Variants in PDE11A observed in about 807,000 individuals in gnomAD.
The protein encoded by PDE11A is phosphodiesterase 11A, also known as dual 3',5'-cyclic-AMP and -GMP phosphodiesterase 11A.
In PDE11A, 100 loss-of-function variants were observed where a neutral mutation model predicts 100.5. That is an observed-to-expected ratio of 1.00 (90% CI 0.85 to 1.18). The LOEUF is 1.18. PDE11A is among the 50% of genes most tolerant of loss of function. The pLI is 0.00. For missense variants in PDE11A, 1,141 were observed against 1,152.6 expected (o/e 0.99, Z 0.15); for synonymous variants, 381 against 420.8 (o/e 0.91, Z 1.16).
rs147045252 is a variant in PDE11A at position 177,893,906 on chromosome 2, T to G, written c.1302+4152A>C. Among the ~76,000 whole-genome samples the G allele has an allele frequency of 1.4e-3, 217 of 152,332 alleles. 1 individual carries two copies. Among genetic ancestry groups the G allele is most frequent in the African/African-American group, 5.0e-3 (209 of 41,572 alleles). On this transcript the variant is annotated intron_variant, in intron 4 of 19. Coordinates refer to ENST00000286063, the MANE Select transcript of PDE11A (RefSeq NM_016953.4). ...ATACCTATTATTGAAATATTTCCAG[T>G]AAAAATAACTTTGTCAAGTTTGAAA...
At chr2:177,708,514 T>C (rs969435610) in intron 13 of PDE11A, among the ~76,000 whole-genome samples, 2 of 152,178 alleles carry the variant, frequency 1.3e-5, no homozygotes, top group African/African-American at 2.4e-5. Context: ...AAAAGGTAAC[T>C]ATCAGGTACT....
intron 2 of PDE11A, among the ~76,000 whole-genome samples, chr2:177,988,828 A>G (rs942192081): frequency 2.6e-5 from 4 of 152,214 alleles, no homozygotes; most frequent in Non-Finnish European, 5.9e-5. Context: ...TATGACAGGT[A>G]TACAGGCAGC....
At chr2:178,105,837 T>A (rs2087611352) in intron 1 of PDE11A, 1 of 446,226 alleles carries the variant, frequency 2.2e-6, no homozygotes. Flanking sequence ...ATTTCTGCAA[T>A]AAACACTTGC....
chr2:177,637,898 T>C (rs202140310), intron 19 of PDE11A, among the ~76,000 whole-genome samples: 5 of 78,166 alleles, frequency 6.4e-5, no homozygotes, highest in African/African-American at 1.1e-4. Flanking sequence ...CATATATATA[T>C]ATACATATAT....
At chr2:178,027,717 G>A (rs1338976831) in intron 1 of PDE11A, among the ~76,000 whole-genome samples, 1 of 152,086 alleles carries the variant, frequency 6.6e-6, no homozygotes, top group African/African-American at 2.4e-5. Flanking sequence ...TGGTGGTATT[G>A]CCTGAAAATC....
intron 2 of PDE11A, among the ~76,000 whole-genome samples, chr2:177,948,552 C>T (rs2085471052): frequency 6.6e-6 from 1 of 152,126 alleles, no homozygotes; most frequent in Non-Finnish European, 1.5e-5. Flanking sequence ...ATATGTTAAT[C>T]AACTAAATTT....
At chr2:177,667,888 C>T (rs1038261338) in intron 18 of PDE11A, among the ~76,000 whole-genome samples, 1 of 152,138 alleles carries the variant, frequency 6.6e-6, no homozygotes, top group Admixed American at 6.5e-5. Context: ...TCCCATGACT[C>T]CTGGGACCAT....
intron 19 of PDE11A, among the ~76,000 whole-genome samples, chr2:177,632,972 A>C (rs2079978335): frequency 6.6e-6 from 1 of 152,228 alleles, no homozygotes. Context: ...CTGACAAATT[A>C]AAGTTTCCCT....
At chr2:177,892,476 A>G (rs1435122758) in intron 4 of PDE11A, among the ~76,000 whole-genome samples, 1 of 152,278 alleles carries the variant, frequency 6.6e-6, no homozygotes, top group Non-Finnish European at 1.5e-5. Flanking sequence ...CAAAAAAGTA[A>G]CATATTCTTT....
intron 1 of PDE11A, among the ~76,000 whole-genome samples, chr2:178,029,506 C>T (rs2086518428): frequency 6.6e-6 from 1 of 151,404 alleles, no homozygotes; most frequent in Admixed American, 6.6e-5. Context: ...CCGTGGTCCA[C>T]AGTTAAAGAG....
intron 1 of PDE11A, among the ~76,000 whole-genome samples, chr2:178,108,011 T>C (rs1424610655): frequency 1.1e-4 from 16 of 152,202 alleles, no homozygotes; most frequent in African/African-American, 3.9e-4. Flanking sequence ...TAAGCCACCA[T>C]GCCAAGCCAA....
chr2:178,053,232 T>C (rs1372856584), intron 1 of PDE11A, among the ~76,000 whole-genome samples: 1 of 152,136 alleles, frequency 6.6e-6, no homozygotes, highest in African/African-American at 2.4e-5. Flanking sequence ...ATAAACATAA[T>C]CCATCATATA....
intron 2 of PDE11A, among the ~76,000 whole-genome samples, chr2:177,909,966 C>T (rs966637150): frequency 1.3e-5 from 2 of 152,148 alleles, no homozygotes; most frequent in Non-Finnish European, 2.9e-5. Flanking sequence ...AGATTATCTG[C>T]CTTTGTCTCC....
chr2:177,796,661 T>C (rs1401457177), intron 9 of PDE11A, among the ~76,000 whole-genome samples: 1 of 152,154 alleles, frequency 6.6e-6, no homozygotes, highest in African/African-American at 2.4e-5. Flanking sequence ...TACTGTCCCC[T>C]TATGACAGCA....
At chr2:178,022,873 G>A (rs773570167) in intron 1 of PDE11A, among the ~76,000 whole-genome samples, 4 of 152,184 alleles carry the variant, frequency 2.6e-5, no homozygotes, top group Non-Finnish European at 4.4e-5. Flanking sequence ...AATTGTGGTA[G>A]ACTCTTACCG....
intron 19 of PDE11A, among the ~76,000 whole-genome samples, chr2:177,641,200 A>G (rs2080136521): frequency 6.6e-6 from 1 of 152,166 alleles, no homozygotes; most frequent in African/African-American, 2.4e-5. Context: ...TCGCAAGTCC[A>G]AATCCCTCAA....
intron 17 of PDE11A, among the ~76,000 whole-genome samples, chr2:177,672,809 A>G (rs887699058): frequency 2.0e-5 from 3 of 152,228 alleles, no homozygotes; most frequent in Non-Finnish European, 1.5e-5. Context: ...ATTGCTTCTC[A>G]ATTCCAAACT....
chr2:177,711,059 T>A (rs2081352954), intron 13 of PDE11A, among the ~76,000 whole-genome samples: 2 of 152,230 alleles, frequency 1.3e-5, no homozygotes, highest in African/African-American at 4.8e-5. Flanking sequence ...TCAGGAGACC[T>A]GGGTTTTGGT....
chr2:177,818,652 A>C (rs1213150817), intron 7 of PDE11A, among the ~76,000 whole-genome samples: 1 of 152,140 alleles, frequency 6.6e-6, no homozygotes, highest in Non-Finnish European at 1.5e-5. Flanking sequence ...AATACAGTTA[A>C]CCTTCAAAGC....
Sources: allele counts gnomAD v4.1 joint callset (sites outside exome capture counted in the v4.1 genomes callset), GRCh38; gene constraint gnomAD v4.1.1; transcripts MANE v1.5; gene names NCBI Gene and HGNC (gene_info 2026-07-23, HGNC 2026-07-21).